Variants in TBC1D23 observed in about 807,000 individuals in gnomAD.
TBC1D23 encodes the protein HCV non-structural protein 4A-transactivated protein 1.
In TBC1D23, 55 loss-of-function variants were observed where a neutral mutation model predicts 91.4. The observed-to-expected ratio is 0.60, with a 90% CI of 0.48 to 0.75. TBC1D23 has a LOEUF of 0.75. Among genes scored for constraint, TBC1D23 ranks in the 30% least tolerant of loss-of-function variants. TBC1D23 has a pLI of 0.00. For synonymous variants in TBC1D23, 289 were observed against 281.0 expected (o/e 1.03, Z -0.28); for missense variants, 725 against 836.1 (o/e 0.87, Z 1.64).
intron 10 of TBC1D23, among the ~76,000 whole-genome samples, chr3:100,301,225 A>G (rs1394782284): frequency 6.8e-6 from 1 of 147,496 alleles, no homozygotes; most frequent in Non-Finnish European, 1.5e-5. Context: ...GTGAGCCGAG[A>G]TCGCACCAGT....
chr3:100,307,091 AT>A (rs948299199), intron 13 of TBC1D23, among the ~76,000 whole-genome samples: 2 of 152,162 alleles, frequency 1.3e-5, no homozygotes, highest in African/African-American at 4.8e-5. Context: ...ATTTTATTTG[AT>A]TTTTAGTTAT....
intron 1 of TBC1D23, among the ~76,000 whole-genome samples, chr3:100,269,915 T>G (rs948041569): frequency 1.7e-4 from 26 of 152,216 alleles, no homozygotes; most frequent in African/African-American, 6.0e-4. Context: ...TATGACTAAT[T>G]AGGTATTCAC....
chr3:100,309,023 A>C (rs1194354741), intron 13 of TBC1D23, among the ~76,000 whole-genome samples: 1 of 152,208 alleles, frequency 6.6e-6, no homozygotes, highest in African/African-American at 2.4e-5. Context: ...GAGTTCAAAA[A>C]TTAGCCAGGT....
chr3:100,308,430 C>A (rs1705555922), intron 13 of TBC1D23, among the ~76,000 whole-genome samples: 1 of 151,814 alleles, frequency 6.6e-6, no homozygotes, highest in Admixed American at 6.6e-5. Flanking sequence ...AGCCCACATC[C>A]CGCCACTGCA....
At chr3:100,296,684 C>A (rs2067843915) in intron 8 of TBC1D23, among the ~76,000 whole-genome samples, 1 of 151,814 alleles carries the variant, frequency 6.6e-6, no homozygotes, top group Admixed American at 6.6e-5. Context: ...ACGGTGAAAC[C>A]CTATCTTTAC....
chr3:100,272,052 G>A (rs1014053810), intron 1 of TBC1D23, among the ~76,000 whole-genome samples: 2 of 152,166 alleles, frequency 1.3e-5, no homozygotes, highest in Non-Finnish European at 2.9e-5. Flanking sequence ...GGAGTATGGG[G>A]AGGATACTTA....
At chr3:100,269,526 A>G (rs988328234) in intron 1 of TBC1D23, among the ~76,000 whole-genome samples, 4 of 152,212 alleles carry the variant, frequency 2.6e-5, no homozygotes, top group Non-Finnish European at 5.9e-5. Flanking sequence ...CTATCATACT[A>G]TTGAAATACT....
intron 1 of TBC1D23, among the ~76,000 whole-genome samples, chr3:100,274,116 GATT>G (rs2067625709): frequency 6.6e-6 from 1 of 152,054 alleles, no homozygotes; most frequent in South Asian, 2.1e-4. Flanking sequence ...TCTTTAAAAT[GATT>G]ATGATTAAAA....
Position 100,304,907 on chromosome 3 carries a change from AGT to A in TBC1D23, c.1306+20_1306+21del. The A allele has an allele frequency of 7.3e-7, 1 of 1,374,398 alleles. No homozygotes were observed. The highest frequency in any genetic ancestry group is 1.0e-6 in the Non-Finnish European group (1 of 964,552). The allele number at this position is 1,374,398 out of a possible 1,614,324, so 85.1% of individuals were successfully genotyped here. A position where few individuals can be genotyped will look rare whatever the true frequency, so the allele number is the denominator to read the frequency against. On this transcript the variant is annotated intron_variant, in intron 12 of 18. Coordinates refer to ENST00000394144, the MANE Select transcript of TBC1D23 (RefSeq NM_001199198.3). Reference sequence around the variant, plus strand: ...TTTATGGGTAAGATTTTGATTTATTAGTTTTTTTCCTCTATGTTTCAGAAGAA... The same window carrying A: ...TTTATGGGTAAGATTTTGATTTATTATTTTTTCCTCTATGTTTCAGAAGAA...
At chr3:100,279,253 C>T (rs1374569768) in intron 1 of TBC1D23, among the ~76,000 whole-genome samples, 3 of 152,296 alleles carry the variant, frequency 2.0e-5, no homozygotes, top group Non-Finnish European at 4.4e-5. Context: ...ATGTAACCTA[C>T]CTCATAGGGA....
intron 17 of TBC1D23, 111 bp from the exon 18 acceptor site, chr3:100,320,666 A>AT: frequency 3.3e-6 from 2 of 610,376 alleles, no homozygotes; most frequent in Non-Finnish European, 2.5e-6. Flanking sequence ...TTTTAACTCA[A>AT]TTTTATTTAG....
At chr3:100,285,616 A>G (rs560278107) in intron 4 of TBC1D23, among the ~76,000 whole-genome samples, 8 of 152,340 alleles carry the variant, frequency 5.3e-5, no homozygotes, top group African/African-American at 1.9e-4. Context: ...TTGCTGGACC[A>G]TATGGTAATT....
At position 100,281,860 on chromosome 3, in the gene TBC1D23, A is replaced by G; in HGVS notation, c.271+13A>G. ...CTGCAGTTTATTGGTAAGCTGAATA[A>G]TCACTTTCAAGCAGAGTTAAATTTT... On this transcript the variant is annotated intron_variant, in intron 3 of 18. Coordinates refer to ENST00000394144, the MANE Select transcript of TBC1D23 (RefSeq NM_001199198.3). 1 of 1,534,234 alleles carries G rather than the reference A, an allele frequency of 6.5e-7. No individual in the cohort carries two copies. Among genetic ancestry groups the G allele is most frequent in the Non-Finnish European group, 9.0e-7 (1 of 1,113,966 alleles).
intron 5 of TBC1D23, among the ~76,000 whole-genome samples, chr3:100,291,539 C>A (rs2067790159): frequency 6.7e-6 from 1 of 149,670 alleles, no homozygotes; most frequent in Admixed American, 6.6e-5. Context: ...GCCGAGATTG[C>A]ACCACTGCAC....
intron 11 of TBC1D23, among the ~76,000 whole-genome samples, chr3:100,304,373 C>CT (rs995833037): frequency 2.7e-5 from 4 of 150,742 alleles, no homozygotes; most frequent in Non-Finnish European, 3.0e-5. Flanking sequence ...TTGTGTTTCT[C>CT]TTTTTTTTTA....
chr3:100,286,501 CT>C (rs11370481), intron 4 of TBC1D23, among the ~76,000 whole-genome samples: 377 of 146,218 alleles, frequency 2.6e-3, no homozygotes, highest in African/African-American at 4.3e-3. Context: ...AACATATCTT[CT>C]TTTTTTTTTT....
chr3:100,305,409 T>C (rs1322351825), intron 12 of TBC1D23, among the ~76,000 whole-genome samples: 1 of 152,132 alleles, frequency 6.6e-6, no homozygotes, highest in Non-Finnish European at 1.5e-5. Flanking sequence ...CAGGCAAGTA[T>C]TGAGAATTTT....
At chr3:100,301,856 G>A (rs1705439458) in intron 10 of TBC1D23, 1 of 458,604 alleles carries the variant, frequency 2.2e-6, no homozygotes, top group Non-Finnish European at 3.8e-6. Context: ...CAATCTTTGT[G>A]TGAATGTTCA....
intron 5 of TBC1D23, among the ~76,000 whole-genome samples, chr3:100,291,796 CTT>C (rs576623040): frequency 3.8e-5 from 5 of 131,648 alleles, no homozygotes; most frequent in Non-Finnish European, 3.2e-5. Context: ...TTTTTTTTTT[CTT>C]TTTTTTTTTT....
Sources: allele counts gnomAD v4.1 joint callset (sites outside exome capture counted in the v4.1 genomes callset), GRCh38; gene constraint gnomAD v4.1.1; transcripts MANE v1.5; gene names NCBI Gene and HGNC (gene_info 2026-07-23, HGNC 2026-07-21).